TRIP12: variants seen among roughly 807,000 people sequenced by gnomAD.
TRIP12 encodes the protein E3 ubiquitin-protein ligase TRIP12.
In TRIP12, 25 loss-of-function variants were observed where a neutral mutation model predicts 244.2. The ratio of observed to expected loss-of-function variants is 0.10; its 90% CI spans 0.07 to 0.14. The LOEUF (loss-of-function observed/expected upper bound fraction) is 0.14. Ranked by LOEUF, TRIP12 falls within the 10% of genes least tolerant of loss-of-function variation. The probability of loss-of-function intolerance (pLI) is 1.00; values close to 1 mark genes in which losing one functional copy is unlikely to be tolerated. For synonymous variants in TRIP12, 905 were observed against 873.1 expected (o/e 1.04, Z -0.64); for missense variants, 1,677 against 2,486.4 (o/e 0.67, Z 6.92).
At chr2:229,841,010 T>G in intron 4 of TRIP12, 83 bp from the exon 5 acceptor site, 1 of 975,566 alleles carries the variant, frequency 1.0e-6, no homozygotes, top group Non-Finnish European at 1.5e-6. Context: ...CAGGTCATCA[T>G]GTTCAAAACT....
intron 34 of TRIP12, among the ~76,000 whole-genome samples, chr2:229,780,324 A>T (rs142133036): frequency 2.2e-3 from 342 of 152,258 alleles, no homozygotes; most frequent in African/African-American, 8.0e-3. Context: ...ATTCTAAACT[A>T]ATTACCAACT....
Position 229,774,373 on chromosome 2 carries a change from G to T in TRIP12, c.5530-112C>A, listed in dbSNP as rs1167192158. On this transcript the variant is annotated intron_variant, in intron 37 of 41. Coordinates refer to ENST00000675903, the MANE Select transcript of TRIP12 (RefSeq NM_001348323.3). ...TAAGCTATCCTAATAAAGCTGATGG[G>T]TTCAACTCTTAGCCTCTTTATTTTT... 1.0e-5 allele frequency: 11 copies of T among 1,083,154 alleles called. No individual in the cohort carries two copies. In the East Asian group the frequency reaches 2.3e-4, roughly 23 times the overall value. The allele number at this position is 1,083,154 out of a possible 1,614,324, so 67.1% of individuals were successfully genotyped here.
chr2:229,791,325 A>T (rs756471682), intron 29 of TRIP12, 74 bp from the exon 30 acceptor site: 3 of 1,513,620 alleles, frequency 2.0e-6, no homozygotes, highest in Non-Finnish European at 1.8e-6. Context: ...TAAGCCACAG[A>T]CACCACAGTT....
chr2:229,911,950 C>T (rs939967045), intron 1 of TRIP12, among the ~76,000 whole-genome samples: 33 of 151,556 alleles, frequency 2.2e-4, no homozygotes, highest in African/African-American at 8.0e-4. Context: ...CTGTATTGAA[C>T]GCTAAGCAAA....
chr2:229,909,106 A>G (rs959816764), intron 1 of TRIP12, among the ~76,000 whole-genome samples: 8 of 151,200 alleles, frequency 5.3e-5, no homozygotes, highest in Non-Finnish European at 7.4e-5. Flanking sequence ...AAAAAAAAAA[A>G]AGAGATTTTA....
intron 8 of TRIP12, among the ~76,000 whole-genome samples, chr2:229,824,425 T>G (rs1436662749): frequency 2.0e-5 from 3 of 152,174 alleles, no homozygotes; most frequent in Admixed American, 1.3e-4. Flanking sequence ...TTACACCCAT[T>G]TAAGCAGCAA....
intron 7 of TRIP12, 150 bp from the exon 8 acceptor site, chr2:229,829,438 C>G (rs1441217749): frequency 1.7e-6 from 1 of 590,004 alleles, no homozygotes; most frequent in Non-Finnish European, 2.9e-6. Flanking sequence ...TACAAACTTT[C>G]AAGACCACCC....
chr2:229,840,399 T>C (rs1376204532), intron 5 of TRIP12, among the ~76,000 whole-genome samples: 1 of 151,916 alleles, frequency 6.6e-6, no homozygotes, highest in Non-Finnish European at 1.5e-5. Flanking sequence ...TAAAAAAAAA[T>C]TTAAATAATT....
intron 1 of TRIP12, among the ~76,000 whole-genome samples, chr2:229,895,181 T>C (rs1408004172): frequency 1.3e-5 from 2 of 152,112 alleles, no homozygotes; most frequent in Admixed American, 6.6e-5. Context: ...TTACATAGAT[T>C]TGGAAAACAA....
At chr2:229,857,514 A>G (rs1304929784) in intron 4 of TRIP12, among the ~76,000 whole-genome samples, 2 of 152,042 alleles carry the variant, frequency 1.3e-5, no homozygotes, top group East Asian at 3.9e-4. Context: ...TTGTAATCTC[A>G]GCTACTCAGG....
chr2:229,862,429 G>A lies in TRIP12; in HGVS notation c.99-1898C>T, dbSNP rs1379014292. On this transcript the variant is annotated intron_variant, in intron 2 of 41. Coordinates refer to ENST00000675903, the MANE Select transcript of TRIP12 (RefSeq NM_001348323.3). Reference sequence around the variant, plus strand: ...GGGGTGTGGAATTTAACAGCTACAGGAAATATAAATTATGTCATTCAGGTC... The same window carrying A: ...GGGGTGTGGAATTTAACAGCTACAGAAAATATAAATTATGTCATTCAGGTC... Among the ~76,000 whole-genome samples the A allele has an allele frequency of 3.9e-5, 6 of 152,234 alleles. No homozygotes were observed. The East Asian group carries it at 5.8e-4, about 15-fold the overall frequency.
intron 2 of TRIP12, among the ~76,000 whole-genome samples, chr2:229,863,830 T>A (rs1299496469): frequency 6.6e-6 from 1 of 152,236 alleles, no homozygotes; most frequent in Non-Finnish European, 1.5e-5. Flanking sequence ...TTAGCAAGCC[T>A]TAATCCTTCA....
chr2:229,852,027 G>A (rs144803051), intron 4 of TRIP12, among the ~76,000 whole-genome samples: 1 of 152,304 alleles, frequency 6.6e-6, no homozygotes, highest in East Asian at 1.9e-4. Context: ...AAAGCACTAA[G>A]TCTTCCTAAT....
At chr2:229,836,221 A>G (rs1039550752) in intron 6 of TRIP12, among the ~76,000 whole-genome samples, 3 of 152,226 alleles carry the variant, frequency 2.0e-5, no homozygotes, top group Non-Finnish European at 4.4e-5. Context: ...ATAAGCCTAT[A>G]GTGATTGATT....
intron 34 of TRIP12, among the ~76,000 whole-genome samples, chr2:229,782,466 G>A (rs1031975506): frequency 3.3e-5 from 5 of 152,088 alleles, no homozygotes; most frequent in African/African-American, 9.7e-5. Context: ...GTCTGAATGC[G>A]TCATTCAGTT....
At chr2:229,916,520 A>C (rs892725259) in intron 1 of TRIP12, among the ~76,000 whole-genome samples, 4 of 124,382 alleles carry the variant, frequency 3.2e-5, no homozygotes, top group African/African-American at 8.5e-5. Context: ...GCGCCACTGC[A>C]CTCCAGCCTG....
At position 229,764,032 on chromosome 2, in the gene TRIP12, T is replaced by C. The variant is rs1332406821; in HGVS notation, c.*3522A>G. ...TATAGGTTTGGAAATATGAGTCGGCTTGTAGTAAAAATAAAACCACCTCTT... is the reference window on the plus strand; with the variant it reads ...TATAGGTTTGGAAATATGAGTCGGCCTGTAGTAAAAATAAAACCACCTCTT... On this transcript the variant is annotated 3_prime_UTR_variant, in exon 42 of 42. Transcript: ENST00000675903. The C allele has an allele frequency of 6.6e-6, 1 of 152,230 alleles. No individual in the cohort carries two copies. Among genetic ancestry groups the C allele is most frequent in the African/African-American group, 2.4e-5 (1 of 41,452 alleles). 9.4% of individuals were successfully genotyped at this position (152,230 alleles called of 1,614,324 possible).
intron 1 of TRIP12, among the ~76,000 whole-genome samples, chr2:229,881,555 T>C (rs1185089790): frequency 6.6e-6 from 1 of 152,212 alleles, no homozygotes; most frequent in Non-Finnish European, 1.5e-5. Flanking sequence ...ATATTGTTGA[T>C]ACAATTCAGT....
chr2:229,872,530 C>T (rs2062844237), intron 2 of TRIP12, among the ~76,000 whole-genome samples: 1 of 152,054 alleles, frequency 6.6e-6, no homozygotes, highest in Non-Finnish European at 1.5e-5. Context: ...CACCACTGCA[C>T]TCCAGCCTGT....
Sources: gnomAD v4.1 joint callset for allele counts (sites outside exome capture counted in the v4.1 genomes callset) on GRCh38, gnomAD v4.1.1 for gene constraint, MANE v1.5 for transcripts, NCBI Gene and HGNC (gene_info 2026-07-23, HGNC 2026-07-21) for gene names.